The following PALLD variants were observed in gnomAD, a reference collection of about 807,000 sequenced individuals.
The protein encoded by PALLD is palladin, cytoskeletal associated protein, also known as palladin.
A neutral mutation model predicts 123.5 loss-of-function variants in PALLD; 61 were observed. The ratio of observed to expected loss-of-function variants is 0.49; its 90% confidence interval spans 0.40 to 0.61. The LOEUF (loss-of-function observed/expected upper bound fraction) is 0.61. Among genes scored for constraint, PALLD ranks in the 20% least tolerant of loss-of-function variants. PALLD has a pLI of 0.00. For missense variants in PALLD, 1,273 were observed against 1,377.0 expected, an observed-to-expected ratio of 0.92 and a Z score of 1.20; for synonymous variants, 465 against 496.4, an observed-to-expected ratio of 0.94 and a Z score of 0.84.
chr4:168,833,421 A>G (rs113893275), intron 10 of PALLD, among the ~76,000 whole-genome samples: 8,040 of 152,260 alleles, frequency 0.053, 258 homozygotes, highest in Non-Finnish European at 0.067. Flanking sequence ...TCTAGGAGCC[A>G]GAGATGACTG....
chr4:168,544,381 T>C (rs1765940242), intron 2 of PALLD, among the ~76,000 whole-genome samples: 1 of 152,270 alleles, frequency 6.6e-6, no homozygotes, highest in Admixed American at 6.5e-5. Context: ...AGTATAATAT[T>C]GCAGCATAGC....
At position 168,709,086 on chromosome 4, in the gene PALLD, A is replaced by G. The variant is rs1213236687; in HGVS notation, c.1560A>G (p.Thr520=). 3 of 1,613,662 alleles carry G rather than the reference A, an allele frequency of 1.9e-6. No individual in the cohort carries two copies. Among genetic ancestry groups the G allele is most frequent in the Non-Finnish European group, 2.5e-6 (3 of 1,179,612 alleles). ...ETFPEDAGIF[T]CSARNDYGSA... Reference sequence around the variant, plus strand: ...TCCCTGAAGATGCAGGGATCTTTACATGTTCAGCAAGAAATGATTATGGAT... The same window carrying G: ...TCCCTGAAGATGCAGGGATCTTTACGTGTTCAGCAAGAAATGATTATGGAT... Residue 520 remains threonine, a synonymous_variant, in exon 9 of 22, where the codon ACA becomes ACG. Coordinates refer to ENST00000505667, the MANE Select transcript of PALLD (RefSeq NM_001166108.2).
chr4:168,856,933 G>C (rs1019120578), intron 10 of PALLD, among the ~76,000 whole-genome samples: 1 of 152,148 alleles, frequency 6.6e-6, no homozygotes, highest in Non-Finnish European at 1.5e-5. Flanking sequence ...GCCCTTTATG[G>C]GAAACAGTGA....
intron 10 of PALLD, among the ~76,000 whole-genome samples, chr4:168,757,832 G>A (rs1302842887): frequency 6.6e-6 from 1 of 152,256 alleles, no homozygotes; most frequent in East Asian, 1.9e-4. Flanking sequence ...AGCACTTTGG[G>A]AGGCCGAGGT....
At chr4:168,788,779 CTCT>C (rs763010607) in intron 10 of PALLD, among the ~76,000 whole-genome samples, 21 of 152,122 alleles carry the variant, frequency 1.4e-4, no homozygotes, top group Non-Finnish European at 2.5e-4. Context: ...GAACCTAAAA[CTCT>C]TCTTAAAACT....
At chr4:168,532,946 G>A (rs1764742177) in intron 2 of PALLD, among the ~76,000 whole-genome samples, 1 of 152,100 alleles carries the variant, frequency 6.6e-6, no homozygotes, top group Non-Finnish European at 1.5e-5. Flanking sequence ...TAAAGCTCTT[G>A]ATGCAATCTC....
At chr4:168,499,180 CAAAAAAAAAAAAAA>C (rs1157137965) in intron 1 of PALLD, among the ~76,000 whole-genome samples, 1 of 16,378 alleles carries the variant, frequency 6.1e-5, no homozygotes, top group Non-Finnish European at 1.0e-4. Context: ...CCCTTTGTAG[CAAAAAAAAAAAAAA>C]AAAAAAAAAA....
intron 2 of PALLD, among the ~76,000 whole-genome samples, chr4:168,557,809 A>G (rs1010615916): frequency 4.6e-5 from 7 of 152,106 alleles, no homozygotes; most frequent in African/African-American, 9.7e-5. Context: ...GTTAGGACCT[A>G]CTTCAGGCTT....
intron 10 of PALLD, among the ~76,000 whole-genome samples, chr4:168,830,797 A>G (rs4470588): frequency 0.42 from 64,272 of 152,082 alleles, 13,906 homozygotes; most frequent in Non-Finnish European, 0.47. Flanking sequence ...GAAGACAGTG[A>G]ACCTAGCAAT....
intron 3 of PALLD, 141 bp from the exon 4 acceptor site, chr4:168,681,191 G>A: frequency 1.6e-6 from 1 of 616,452 alleles, no homozygotes; most frequent in Non-Finnish European, 2.9e-6. Context: ...AATTGTCTGA[G>A]CCTGAATCAC....
rs546762890 is a variant in PALLD at position 168,532,677 on chromosome 4, A to G, written c.908+20265A>G. ...TAACTATCTTGTAGAAGAAAAAATGACATTTCTTAAAATGTAGATCACACA... is the reference window on the plus strand; with the variant it reads ...TAACTATCTTGTAGAAGAAAAAATGGCATTTCTTAAAATGTAGATCACACA... On this transcript the variant is annotated intron_variant, in intron 2 of 21. Transcript: ENST00000505667. Among the ~76,000 whole-genome samples the G allele has an allele frequency of 3.3e-5, 5 of 152,320 alleles. No individual in the cohort carries two copies. The East Asian group carries it at 9.6e-4, about 29-fold the overall frequency.
intron 10 of PALLD, among the ~76,000 whole-genome samples, chr4:168,763,974 T>G (rs1212965996): frequency 1.3e-5 from 2 of 152,190 alleles, no homozygotes; most frequent in African/African-American, 4.8e-5. Flanking sequence ...CTCTGTTTAT[T>G]TATTCATATG....
intron 2 of PALLD, among the ~76,000 whole-genome samples, chr4:168,560,342 G>T (rs905440443): frequency 1.3e-5 from 2 of 152,134 alleles, no homozygotes; most frequent in African/African-American, 4.8e-5. Context: ...AGTTCTTCTT[G>T]TCCAGTAACA....
intron 2 of PALLD, among the ~76,000 whole-genome samples, chr4:168,567,108 G>A (rs1202505350): frequency 6.6e-6 from 1 of 152,114 alleles, no homozygotes; most frequent in Non-Finnish European, 1.5e-5. Flanking sequence ...AATTTTAGTA[G>A]CATCATGTGG....
intron 10 of PALLD, among the ~76,000 whole-genome samples, chr4:168,820,330 A>C (rs562483920): frequency 6.6e-6 from 1 of 152,370 alleles, no homozygotes; most frequent in South Asian, 2.1e-4. Flanking sequence ...ACTGAGGCAC[A>C]GAGAGGTTAA....
chr4:168,886,246 CTT>C (rs528399409), intron 10 of PALLD, among the ~76,000 whole-genome samples: 40 of 152,200 alleles, frequency 2.6e-4, no homozygotes, highest in African/African-American at 9.1e-4. Flanking sequence ...GAAACCAACT[CTT>C]TTTTTCTAGG....
intron 2 of PALLD, among the ~76,000 whole-genome samples, chr4:168,578,039 T>G (rs1769814805): frequency 1.3e-5 from 2 of 152,092 alleles, no homozygotes; most frequent in South Asian, 4.1e-4. Context: ...TAATGTGTGC[T>G]TCCTTTGGAT....
chr4:168,654,029 C>T (rs1221087230), intron 2 of PALLD, among the ~76,000 whole-genome samples: 9 of 151,984 alleles, frequency 5.9e-5, no homozygotes, highest in African/African-American at 2.2e-4. Flanking sequence ...CTGTGTTGCC[C>T]AGGCTGGCTT....
chr4:168,552,365 T>G (rs1359229564), intron 2 of PALLD, among the ~76,000 whole-genome samples: 1 of 152,082 alleles, frequency 6.6e-6, no homozygotes, highest in Non-Finnish European at 1.5e-5. Context: ...TGTGGGGAAG[T>G]ATGAAGTGAT....
Sources: allele counts gnomAD v4.1 joint callset (sites outside exome capture counted in the v4.1 genomes callset), GRCh38; gene constraint gnomAD v4.1.1; transcripts MANE v1.5; gene names NCBI Gene and HGNC (gene_info 2026-07-23, HGNC 2026-07-21).